The following DYNC2H1 variants were observed in gnomAD, a reference collection of about 807,000 sequenced individuals.
DYNC2H1 encodes cytoplasmic dynein 2 heavy chain 1.
A neutral mutation model predicts 570.0 loss-of-function variants in DYNC2H1; 410 were observed. The ratio of observed to expected loss-of-function variants is 0.72; its 90% confidence interval spans 0.66 to 0.78. The LOEUF (loss-of-function observed/expected upper bound fraction) is 0.78, where lower values mean the gene tolerates loss of function less well. DYNC2H1 is among the 30% of genes least tolerant of loss of function. The pLI is 0.00. For synonymous variants in DYNC2H1, 1,688 were observed against 1,677.6 expected (o/e 1.01, Z -0.15); for missense variants, 4,865 against 5,046.4 (o/e 0.96, Z 1.09).
rs765842383 is a variant in DYNC2H1, at chr11:103,456,324, G to C, written c.12616G>C (p.Gly4206Arg). The C allele has an allele frequency of 6.2e-7, 1 of 1,608,030 alleles. No homozygotes were observed. Among genetic ancestry groups the C allele is most frequent in the East Asian group, 2.2e-5 (1 of 44,738 alleles). The part of the protein sequence containing the change: ...DSLKFVASWK[G>R]RLQEAKLQIK... The stretch of plus-strand genomic sequence containing the variant: ...CCTTAAATTTGTAGCCTCATGGAAA[G>C]GTCGACTGCAAGAAGCAAAGCTACA... The change falls in exon 87 of 89, where the codon GGT becomes CGT. Residue 4206 changes from glycine (G) to arginine (R), a missense_variant. Gly to Arg is a moderately radical substitution (Grantham distance 125, BLOSUM62 -2). This residue lies in a region of DYNC2H1 where 2,401 missense variants were observed against 2,454.6 expected (regional missense o/e 0.98). Transcript: ENST00000375735.
chr11:103,388,010 TTAAAG>T (rs773476851), intron 83 of DYNC2H1, among the ~76,000 whole-genome samples: 30 of 152,218 alleles, frequency 2.0e-4, no homozygotes, highest in Non-Finnish European at 4.1e-4. Flanking sequence ...CATATGAACT[TTAAAG>T]TAGTTTTTTT....
At chr11:103,211,513 T>A (rs1863153248) in intron 53 of DYNC2H1, among the ~76,000 whole-genome samples, 1 of 152,058 alleles carries the variant, frequency 6.6e-6, no homozygotes, top group African/African-American at 2.4e-5. Context: ...AACATGTAGA[T>A]TTATTTTTCT....
Position 103,256,261 on chromosome 11 carries a change from A to C in DYNC2H1, c.10461+21A>C. On this transcript the variant is annotated intron_variant, in intron 68 of 88. Coordinates refer to ENST00000375735, the MANE Select transcript of DYNC2H1 (RefSeq NM_001377.3). This position sits in a 1 kb window ranked among gnomAD's most constrained non-coding sequence, Gnocchi z 4.0. ...ATCAAGTAATTATTTCCTTCTTTGTAATTTCGTATTATGTTTTCTTGAACA... is the reference window on the plus strand; with the variant it reads ...ATCAAGTAATTATTTCCTTCTTTGTCATTTCGTATTATGTTTTCTTGAACA... 1 of 1,575,492 alleles carries C rather than the reference A, an allele frequency of 6.3e-7. No individual in the cohort carries two copies. Among genetic ancestry groups the C allele is most frequent in the Non-Finnish European group, 8.6e-7 (1 of 1,161,290 alleles).
At chr11:103,274,441 C>T (rs1430871) in intron 70 of DYNC2H1, among the ~76,000 whole-genome samples, 33,007 of 151,802 alleles carry the variant, frequency 0.22, 3,872 homozygotes, top group East Asian at 0.31. Flanking sequence ...TAAATGATAA[C>T]GTTTTTGAAT....
At position 103,461,373 on chromosome 11, in the gene DYNC2H1, T is replaced by G. The variant is rs1359786123; in HGVS notation, c.12648+5017T>G. Among the ~76,000 whole-genome samples, 3 of 152,206 alleles carry G rather than the reference T, an allele frequency of 2.0e-5. No homozygotes were observed. The highest frequency in any genetic ancestry group is 7.2e-5 in the African/African-American group (3 of 41,460). On this transcript the variant is annotated intron_variant, in intron 87 of 88. Coordinates refer to ENST00000375735, the MANE Select transcript of DYNC2H1 (RefSeq NM_001377.3). This position sits in a 1 kb window ranked among gnomAD's most constrained non-coding sequence, Gnocchi z 4.8. ...GGCTGTAGTTCTCCAAACCGATCAA[T>G]ATCTTAAACCCTTTAGACCTACTTG...
At position 103,311,881 on chromosome 11, in the gene DYNC2H1, C is replaced by T. The variant is rs530152295; in HGVS notation, c.11497C>T (p.Pro3833Ser). The T allele has an allele frequency of 3.7e-6, 6 of 1,603,952 alleles. No individual in the cohort carries two copies. Among genetic ancestry groups the T allele is most frequent in the Middle Eastern group, 1.7e-4 (1 of 6,026 alleles). Residue 3833 changes from proline to serine, a missense_variant, in exon 79 of 89, where the codon CCT (proline) becomes TCT (serine). Physicochemically the swap from Pro to Ser is moderately conservative, Grantham distance 74 (BLOSUM62 -1). Transcript: ENST00000375735. ...QSSLKITYESPPGLKKNLMRT... is the reference protein window; with the variant it reads ...QSSLKITYESSPGLKKNLMRT... ...TGTCTGTTGATTTTTTTTCTAGTCA[C>T]CTCCAGGTTTAAAGAAGAATTTAAT...
Position 103,455,179 on chromosome 11 carries a change from C to A in DYNC2H1, c.12457-7C>A. 2 of 1,606,994 alleles carry A rather than the reference C, an allele frequency of 1.2e-6. No homozygotes were observed. Among genetic ancestry groups the A allele is most frequent in the Non-Finnish European group, 1.7e-6 (2 of 1,174,148 alleles). On this transcript the variant is annotated splice_polypyrimidine_tract_variant and splice_region_variant and intron_variant, in intron 85 of 88. Transcript: ENST00000375735. The stretch of plus-strand genomic sequence containing the variant: ...GTATTTATATGTTCATATTTCCCCC[C>A]CTCTAGAACTGGGTAGATAAAGCTG...
chr11:103,302,183 T>C (rs1316426734), intron 75 of DYNC2H1, among the ~76,000 whole-genome samples: 1 of 152,072 alleles, frequency 6.6e-6, no homozygotes. Context: ...TGTTTAAATA[T>C]AGTTAATGGT....
chr11:103,241,415 TA>T lies in DYNC2H1; in HGVS notation c.9820-2274del. 1.1e-6 allele frequency: 1 copy of T among 897,110 alleles called. No homozygotes were observed. 55.6% of individuals were successfully genotyped at this position (897,110 alleles called of 1,614,324 possible). A position where few individuals can be genotyped will look rare whatever the true frequency, so the allele number is the denominator to read the frequency against. ...TCTTATCTAAATCTGTCTGGAGACG[TA>T]AAATAAGATGACAACAAACTTTTAA... On this transcript the variant is annotated intron_variant, in intron 63 of 88. Transcript: ENST00000375735. This position sits in a 1 kb window ranked among gnomAD's most constrained non-coding sequence, Gnocchi z 5.1.
At chr11:103,267,207 A>T (rs1041034173) in intron 70 of DYNC2H1, among the ~76,000 whole-genome samples, 1 of 151,942 alleles carries the variant, frequency 6.6e-6, no homozygotes, top group Non-Finnish European at 1.5e-5. Context: ...CCAGGTGTGC[A>T]GTAGCTCTGG....
At chr11:103,434,414 T>C (rs1943992600) in intron 84 of DYNC2H1, among the ~76,000 whole-genome samples, 2 of 127,440 alleles carry the variant, frequency 1.6e-5, no homozygotes, top group Non-Finnish European at 3.2e-5. Context: ...TTGTCTGAGA[T>C]TTTTCCTTCC....
At chr11:103,283,317 C>T (rs1866218127) in intron 73 of DYNC2H1, among the ~76,000 whole-genome samples, 1 of 152,072 alleles carries the variant, frequency 6.6e-6, no homozygotes, top group Non-Finnish European at 1.5e-5. Context: ...CTTTCTCTCC[C>T]TTCCCACCCC....
At position 103,366,161 on chromosome 11, in the gene DYNC2H1, A is replaced by G. The variant is rs536846732; in HGVS notation, c.12156+7802A>G. On this transcript the variant is annotated intron_variant, in intron 83 of 88. Transcript: ENST00000375735. ...CTGGGTTTCATCTTTTGGTTGGAAC[A>G]TTTCCTTAATGTCTTGTTGGATTGA... is the stretch of plus-strand genomic sequence containing the variant. Among the ~76,000 whole-genome samples the G allele has an allele frequency of 2.0e-4, 30 of 152,308 alleles. 1 individual carries two copies. The South Asian group carries it at 5.8e-3, about 29-fold the overall frequency.
chr11:103,342,438 A>C (rs79104512), intron 82 of DYNC2H1, among the ~76,000 whole-genome samples: 32,556 of 151,278 alleles, frequency 0.22, 3,625 homozygotes, highest in Admixed American at 0.31. Context: ...CCCTTCCACA[A>C]CGTGGAACCT....
At chr11:103,469,902 G>A (rs1235474909) in intron 88 of DYNC2H1, among the ~76,000 whole-genome samples, 1 of 151,972 alleles carries the variant, frequency 6.6e-6, no homozygotes, top group Non-Finnish European at 1.5e-5. Flanking sequence ...CAAGTGTTGT[G>A]AATATAACAT....
At chr11:103,136,342 AT>A (rs911356850) in intron 17 of DYNC2H1, among the ~76,000 whole-genome samples, 1 of 151,866 alleles carries the variant, frequency 6.6e-6, no homozygotes, top group African/African-American at 2.4e-5. Flanking sequence ...GTCATTTACC[AT>A]TAGGTATATC....
intron 70 of DYNC2H1, among the ~76,000 whole-genome samples, chr11:103,265,226 A>G (rs1865462030): frequency 6.6e-6 from 1 of 152,180 alleles, no homozygotes; most frequent in Admixed American, 6.5e-5. Context: ...TGCGGTAAAA[A>G]GTGAGTGAGA....
chr11:103,214,828 T>C (rs567437355), intron 54 of DYNC2H1, among the ~76,000 whole-genome samples: 52 of 151,812 alleles, frequency 3.4e-4, no homozygotes, highest in African/African-American at 1.2e-3. Flanking sequence ...ATTTCTTTCA[T>C]TGGTATGCTG....
At chr11:103,260,149 G>C (rs1033099830) in intron 70 of DYNC2H1, among the ~76,000 whole-genome samples, 172 bp downstream of exon 70, 1 of 151,982 alleles carries the variant, frequency 6.6e-6, no homozygotes, top group Non-Finnish European at 1.5e-5. Context: ...TGGTTGTAGT[G>C]GGGAAAAAAG....
Sources: allele counts gnomAD v4.1 joint callset (sites outside exome capture counted in the v4.1 genomes callset), GRCh38; gene constraint gnomAD v4.1.1; regional missense constraint gnomAD v4.1.1; non-coding constraint Gnocchi (gnomAD v3.1); transcripts MANE v1.5; gene names NCBI Gene and HGNC (gene_info 2026-07-23, HGNC 2026-07-21).